Variants in CADM2 observed in about 807,000 individuals in gnomAD.
CADM2 encodes immunoglobulin superfamily member 4D.
CADM2 carries 12 observed loss-of-function variants against 49.8 expected under a neutral mutation model. The ratio of observed to expected loss-of-function variants is 0.24; its 90% CI spans 0.15 to 0.39. The LOEUF (loss-of-function observed/expected upper bound fraction) is 0.39, where lower values mean the gene tolerates loss of function less well. Among genes scored for constraint, CADM2 ranks in the 10% least tolerant of loss-of-function variants. The probability of loss-of-function intolerance (pLI) is 1.00; values close to 1 mark genes in which losing one functional copy is unlikely to be tolerated. For synonymous variants in CADM2, 214 were observed against 175.4 expected (o/e 1.22, Z -1.74); for missense variants, 378 against 492.3 (o/e 0.77, Z 2.20).
At chr3:85,510,000 T>C (rs888523968) in intron 1 of CADM2, among the ~76,000 whole-genome samples, 1 of 151,896 alleles carries the variant, frequency 6.6e-6, no homozygotes, top group African/African-American at 2.4e-5. Flanking sequence ...TAGGACAGTC[T>C]ACAAGTAATA....
intron 1 of CADM2, among the ~76,000 whole-genome samples, chr3:85,053,063 A>G (rs533541471): frequency 6.0e-4 from 92 of 152,188 alleles, no homozygotes; most frequent in Non-Finnish European, 1.0e-3. Context: ...AAATACCAGT[A>G]TCAAAGATTT....
chr3:85,103,232 C>T (rs916327624), intron 1 of CADM2, among the ~76,000 whole-genome samples: 8 of 151,990 alleles, frequency 5.3e-5, no homozygotes, highest in Non-Finnish European at 8.8e-5. Flanking sequence ...TCAGATGACT[C>T]GATTGATGGT....
At chr3:85,473,905 T>A (rs2038871092) in intron 1 of CADM2, among the ~76,000 whole-genome samples, 1 of 152,010 alleles carries the variant, frequency 6.6e-6, no homozygotes, top group African/African-American at 2.4e-5. Flanking sequence ...CTTGTTAACT[T>A]GTGAATGCAG....
intron 9 of CADM2, among the ~76,000 whole-genome samples, chr3:86,066,057 T>G (rs1418191214): frequency 3.9e-5 from 6 of 152,124 alleles, no homozygotes. Context: ...TTTTGTCAGT[T>G]TGTGAACATC....
At chr3:85,942,570 T>A (rs1299806491) in intron 7 of CADM2, among the ~76,000 whole-genome samples, 1 of 148,480 alleles carries the variant, frequency 6.7e-6, no homozygotes, top group African/African-American at 2.5e-5. Flanking sequence ...CACCTATGAG[T>A]GAGAATATGC....
intron 1 of CADM2, among the ~76,000 whole-genome samples, chr3:85,591,050 T>G (rs1325093956): frequency 6.6e-6 from 1 of 151,956 alleles, no homozygotes; most frequent in Non-Finnish European, 1.5e-5. Flanking sequence ...TGGTCAGAAG[T>G]GCTATCACTG....
intron 2 of CADM2, among the ~76,000 whole-genome samples, chr3:85,770,006 A>G (rs1199151857): frequency 2.0e-5 from 3 of 151,984 alleles, no homozygotes; most frequent in Non-Finnish European, 4.4e-5. Context: ...AAACAAAAAA[A>G]ACAGCATTTC....
intron 8 of CADM2, among the ~76,000 whole-genome samples, chr3:86,054,069 T>C (rs1737640338): frequency 6.6e-6 from 1 of 152,134 alleles, no homozygotes; most frequent in East Asian, 1.9e-4. Flanking sequence ...ATGGGAGTGA[T>C]TGAGTTACTT....
chr3:85,521,253 A>G (rs2061020802), intron 1 of CADM2, among the ~76,000 whole-genome samples: 1 of 152,076 alleles, frequency 6.6e-6, no homozygotes, highest in Non-Finnish European at 1.5e-5. Flanking sequence ...ACAGTAATAT[A>G]TTTTTATTAT....
chr3:85,197,765 T>G (rs1239072398), intron 1 of CADM2, among the ~76,000 whole-genome samples: 2 of 151,968 alleles, frequency 1.3e-5, no homozygotes, highest in East Asian at 3.9e-4. Flanking sequence ...TGTTTATTTC[T>G]TATCATGATG....
chr3:85,306,589 G>A (rs1279495942), intron 1 of CADM2, among the ~76,000 whole-genome samples: 1 of 151,604 alleles, frequency 6.6e-6, no homozygotes, highest in African/African-American at 2.4e-5. Flanking sequence ...CTGTTTGTAT[G>A]TTTCTGCCTC....
At chr3:85,575,388 A>C (rs1444270910) in intron 1 of CADM2, among the ~76,000 whole-genome samples, 5 of 152,074 alleles carry the variant, frequency 3.3e-5, no homozygotes, top group Non-Finnish European at 2.9e-5. Context: ...CATCTCTACT[A>C]AAAATACAAA....
chr3:85,701,365 G>A (rs1246951215), intron 1 of CADM2, among the ~76,000 whole-genome samples: 1 of 152,174 alleles, frequency 6.6e-6, no homozygotes, highest in Non-Finnish European at 1.5e-5. Flanking sequence ...CATATCACTA[G>A]CCTCAGAAGT....
At position 85,733,539 on chromosome 3, in the gene CADM2, G is replaced by T. The variant is rs1456938941; in HGVS notation, c.88+6991G>T. 2.6e-5 allele frequency among the ~76,000 whole-genome samples: 4 copies of T among 152,164 alleles called. No individual in the cohort carries two copies. The East Asian group carries it at 5.8e-4, about 22-fold the overall frequency. On this transcript the variant is annotated intron_variant, in intron 2 of 9. Transcript: ENST00000383699. The stretch of plus-strand genomic sequence containing the variant: ...AGAGAGAGTGTTATATATTCCATTT[G>T]CAAGTCTAAAATAATATTATTTCCA...
At chr3:85,532,846 C>T (rs1340830423) in intron 1 of CADM2, among the ~76,000 whole-genome samples, 1 of 152,110 alleles carries the variant, frequency 6.6e-6, no homozygotes, top group Non-Finnish European at 1.5e-5. Context: ...GAGATAATGT[C>T]CTTTGCAGGG....
At chr3:85,247,175 A>G (rs2042668306) in intron 1 of CADM2, among the ~76,000 whole-genome samples, 1 of 152,102 alleles carries the variant, frequency 6.6e-6, no homozygotes, top group Non-Finnish European at 1.5e-5. Flanking sequence ...AAAAGGGCAT[A>G]GTGTAGAACA....
intron 6 of CADM2, among the ~76,000 whole-genome samples, chr3:85,926,150 AAATAAATAAATAAAT>A (rs1719827681): frequency 1.1e-5 from 1 of 89,148 alleles, no homozygotes; most frequent in African/African-American, 6.5e-5. Flanking sequence ...ATAAATAAAT[AAATAAATAAATAAAT>A]AAATAAATAA....
rs1436553648 is a variant in CADM2, at chr3:85,203,544, A to G, written c.61+243876A>G. On this transcript the variant is annotated intron_variant, in intron 1 of 9. Coordinates refer to ENST00000383699, the MANE Select transcript of CADM2 (RefSeq NM_001167675.2). The stretch of plus-strand genomic sequence containing the variant: ...CAAAGATCAGTTATTATCATCAAAG[A>G]TATAACAATGAAAACATTTGAAATA... Among the ~76,000 whole-genome samples the G allele has an allele frequency of 2.6e-5, 4 of 152,184 alleles. No individual in the cohort carries two copies. The East Asian group carries it at 5.8e-4, about 22-fold the overall frequency.
intron 6 of CADM2, among the ~76,000 whole-genome samples, chr3:85,921,641 A>T (rs1719129898): frequency 6.6e-6 from 1 of 152,128 alleles, no homozygotes; most frequent in Non-Finnish European, 1.5e-5. Flanking sequence ...CAACTGAAGA[A>T]CTAATATTGA....
Sources: allele counts gnomAD v4.1 joint callset (sites outside exome capture counted in the v4.1 genomes callset), GRCh38; gene constraint gnomAD v4.1.1; transcripts MANE v1.5; gene names NCBI Gene and HGNC (gene_info 2026-07-23, HGNC 2026-07-21).